The following GRAP2 variants were observed in gnomAD, a reference collection of about 807,000 sequenced individuals.
GRAP2 encodes GRB2-related adapter protein 2.
Under a neutral mutation model 43.5 loss-of-function variants are expected in GRAP2, and 31 were observed. The observed-to-expected ratio is 0.71, with a 90% CI of 0.54 to 0.96. The LOEUF (loss-of-function observed/expected upper bound fraction) is 0.96, where lower values mean the gene tolerates loss of function less well. GRAP2 is among the 40% of genes least tolerant of loss of function. GRAP2 has a pLI of 0.00. For missense variants in GRAP2, 371 were observed against 424.4 expected (o/e 0.87, Z 1.11); for synonymous variants, 156 against 164.8 (o/e 0.95, Z 0.41).
intron 1 of GRAP2, among the ~76,000 whole-genome samples, chr22:39,931,887 A>G (rs1286215062): frequency 6.6e-6 from 1 of 152,212 alleles, no homozygotes; most frequent in African/African-American, 2.4e-5. Context: ...ATGCCTTTTG[A>G]CCCACACAAT....
intron 1 of GRAP2, among the ~76,000 whole-genome samples, chr22:39,941,181 A>G (rs910938851): frequency 1.3e-5 from 2 of 152,180 alleles, no homozygotes; most frequent in African/African-American, 2.4e-5. Context: ...TCCAACAAAC[A>G]TTTCCTGGCT....
intron 1 of GRAP2, among the ~76,000 whole-genome samples, chr22:39,930,130 A>G (rs1019181260): frequency 1.3e-5 from 2 of 152,156 alleles, no homozygotes; most frequent in African/African-American, 2.4e-5. Flanking sequence ...ATTAAAAATA[A>G]TTTTCTTTTA....
intron 7 of GRAP2, among the ~76,000 whole-genome samples, chr22:39,970,696 G>A (rs1238470835): frequency 2.0e-5 from 3 of 152,154 alleles, no homozygotes; most frequent in African/African-American, 7.2e-5. Flanking sequence ...CAAGGCAGGA[G>A]GACTTCTTGA....
intron 1 of GRAP2, among the ~76,000 whole-genome samples, chr22:39,943,257 G>A (rs1282465780): frequency 6.6e-6 from 1 of 152,176 alleles, no homozygotes; most frequent in Non-Finnish European, 1.5e-5. Context: ...ATCCTCTGTG[G>A]TGGCTATATT....
intron 1 of GRAP2, among the ~76,000 whole-genome samples, chr22:39,925,046 G>C (rs559776410): frequency 2.3e-4 from 35 of 152,290 alleles, no homozygotes; most frequent in African/African-American, 7.9e-4. Context: ...AGCTCAGGTG[G>C]GGGTTACGGC....
chr22:39,970,975 G>A lies in GRAP2; in HGVS notation c.884G>A (p.Gly295Glu). 1 of 1,613,642 alleles carries A rather than the reference G, an allele frequency of 6.2e-7. No individual in the cohort carries two copies. The highest frequency in any genetic ancestry group is 1.1e-5 in the South Asian group (1 of 91,012). ...LEDDELGFHSGEVVEVLDSSN... is the reference protein window; with the variant it reads ...LEDDELGFHSEEVVEVLDSSN... ...GATGACGAGCTGGGGTTCCACAGCG[G>A]GGAGGTGGTGGAGGTCCTGGATAGC... Residue 295 changes from glycine to glutamate, a missense_variant, in exon 8 of 8, where the codon GGG (glycine) becomes GAG (glutamate). Gly to Glu is a moderately conservative substitution (Grantham distance 98, BLOSUM62 -2). Coordinates refer to ENST00000344138, the MANE Select transcript of GRAP2 (RefSeq NM_004810.4).
At chr22:39,907,295 A>G (rs1320280543) in intron 1 of GRAP2, among the ~76,000 whole-genome samples, 1 of 152,222 alleles carries the variant, frequency 6.6e-6, no homozygotes, top group Non-Finnish European at 1.5e-5. Flanking sequence ...CCAATGGGGA[A>G]AAAAAACCAA....
intron 4 of GRAP2, chr22:39,964,715 TAA>T (rs386395435): frequency 0.042 from 12,678 of 303,240 alleles, no homozygotes; most frequent in East Asian, 0.065. Context: ...TAAACTTTTG[TAA>T]AAAAAAAAAA....
chr22:39,945,282 T>G (rs1039023133), intron 1 of GRAP2, among the ~76,000 whole-genome samples: 1 of 152,236 alleles, frequency 6.6e-6, no homozygotes, highest in African/African-American at 2.4e-5. Flanking sequence ...TCCTGGTCTA[T>G]TTTTTGCTTA....
At chr22:39,915,224 T>G (rs993381542) in intron 1 of GRAP2, among the ~76,000 whole-genome samples, 3 of 146,540 alleles carry the variant, frequency 2.0e-5, no homozygotes, top group South Asian at 2.2e-4. Flanking sequence ...AAAAAAGAAA[T>G]AAATAAATAA....
chr22:39,920,326 C>T (rs967894513), intron 1 of GRAP2, among the ~76,000 whole-genome samples: 5 of 152,214 alleles, frequency 3.3e-5, no homozygotes, highest in Non-Finnish European at 7.3e-5. Flanking sequence ...AATGTTCACT[C>T]ATCTTCTTCC....
upstream of GRAP2, among the ~76,000 whole-genome samples, chr22:39,897,440 C>T (rs1416022088): frequency 6.6e-6 from 1 of 151,980 alleles, no homozygotes; most frequent in African/African-American, 2.4e-5. Flanking sequence ...TATTCAAAAT[C>T]CAACCACTTC....
At chr22:39,921,781 C>T (rs954512782) in intron 1 of GRAP2, among the ~76,000 whole-genome samples, 1 of 152,008 alleles carries the variant, frequency 6.6e-6, no homozygotes, top group African/African-American at 2.4e-5. Flanking sequence ...GTTTAAAACC[C>T]ATTGTTTTTA....
At chr22:39,968,885 C>T (rs1235163237) in intron 6 of GRAP2, among the ~76,000 whole-genome samples, 2 of 152,180 alleles carry the variant, frequency 1.3e-5, no homozygotes, top group African/African-American at 4.8e-5. Flanking sequence ...CTTAGTTACC[C>T]GAATGGTCCA....
At chr22:39,968,430 T>A (rs2067199288) in intron 6 of GRAP2, 158 bp downstream of exon 6, 1 of 689,388 alleles carries the variant, frequency 1.5e-6, no homozygotes, top group Non-Finnish European at 2.4e-6. Flanking sequence ...GGCAAAGACA[T>A]CTCTATGAAT....
rs1408106492 is a variant in GRAP2, at chr22:39,955,900, C to T, written c.160C>T (p.Gln54Ter). Residue 54 changes from glutamine to a stop codon, truncating the protein, a stop_gained, in exon 3 of 8, where the codon CAG becomes TAG. Transcript: ENST00000344138. LOFTEE classifies it high-confidence loss of function. ...GYVPKNFIDIQFPKWFHEGLS... is the reference protein window; with the variant it reads ...GYVPKNFIDI ...TGTGCCCAAGAATTTCATAGACATC[C>T]AGTTTCCCAAGTAAGTATCTGCAGC... 1 of 1,517,856 alleles carries T rather than the reference C, an allele frequency of 6.6e-7. No homozygotes were observed. Among genetic ancestry groups the T allele is most frequent in the Admixed American group, 1.7e-5 (1 of 59,912 alleles). 94.0% of individuals were successfully genotyped at this position (1,517,856 alleles called of 1,614,324 possible).
intron 1 of GRAP2, among the ~76,000 whole-genome samples, chr22:39,921,512 C>T (rs1174987414): frequency 6.6e-6 from 1 of 152,180 alleles, no homozygotes; most frequent in African/African-American, 2.4e-5. Flanking sequence ...GAAGCGCTTT[C>T]ATCTCATTTC....
Position 39,971,354 on chromosome 22 carries a change from G to A in GRAP2, c.*270G>A, listed in dbSNP as rs1442999493. Reference sequence around the variant, plus strand: ...AGTGGGGGAGTTGGGAGGGGGGCAGGGAAATGAAATGGAGTTTTGTCCTGG... The same window carrying A: ...AGTGGGGGAGTTGGGAGGGGGGCAGAGAAATGAAATGGAGTTTTGTCCTGG... On this transcript the variant is annotated 3_prime_UTR_variant, in exon 8 of 8. Coordinates refer to ENST00000344138, the MANE Select transcript of GRAP2 (RefSeq NM_004810.4). 2 of 444,738 alleles carry A rather than the reference G, an allele frequency of 4.5e-6. No homozygotes were observed. Among genetic ancestry groups the A allele is most frequent in the East Asian group, 8.6e-5 (2 of 23,328 alleles). 27.5% of individuals were successfully genotyped at this position (444,738 alleles called of 1,614,324 possible).
At chr22:39,953,978 C>G (rs1452751669) in intron 2 of GRAP2, among the ~76,000 whole-genome samples, 1 of 152,154 alleles carries the variant, frequency 6.6e-6, no homozygotes, top group Non-Finnish European at 1.5e-5. Context: ...AGGGCTCCCC[C>G]TACATTTCAA....
Sources: allele counts gnomAD v4.1 joint callset (sites outside exome capture counted in the v4.1 genomes callset), GRCh38; gene constraint gnomAD v4.1.1; transcripts MANE v1.5; gene names NCBI Gene and HGNC (gene_info 2026-07-23, HGNC 2026-07-21).